LRRTM2: variants seen among roughly 807,000 people sequenced by gnomAD.
LRRTM2 encodes leucine-rich repeat transmembrane neuronal protein 2.
A neutral mutation model predicts 40.7 loss-of-function variants in LRRTM2; 14 were observed. That is an observed-to-expected ratio of 0.34 (90% CI 0.23 to 0.54). The LOEUF (loss-of-function observed/expected upper bound fraction) is 0.54. Among genes scored for constraint, LRRTM2 ranks in the 20% least tolerant of loss-of-function variants. The probability of loss-of-function intolerance (pLI) is 0.92; values close to 1 mark genes in which losing one functional copy is unlikely to be tolerated. For synonymous variants in LRRTM2, 223 were observed against 237.6 expected (o/e 0.94, Z 0.57); for missense variants, 468 against 624.4 (o/e 0.75, Z 2.67).
Position 138,874,641 on chromosome 5 carries a change from C to A in LRRTM2, c.5-85G>T. On this transcript the variant is annotated intron_variant, in intron 1 of 1. Coordinates refer to ENST00000274711, the MANE Select transcript of LRRTM2 (RefSeq NM_015564.3). The surrounding 1 kb of genome is among the most constrained non-coding windows in gnomAD (Gnocchi z 4.1). ...GCTATTTAAAAAAAACAACCACCAC[C>A]AACATTATAGCAAAAGATTTCACTG... 1.2e-6 allele frequency: 1 copy of A among 861,040 alleles called. No homozygotes were observed. Among genetic ancestry groups the A allele is most frequent in the Non-Finnish European group, 1.7e-6 (1 of 571,448 alleles). The allele number at this position is 861,040 out of a possible 1,614,324, so 53.3% of individuals were successfully genotyped here.
Position 138,874,445 on chromosome 5 carries a change from C to T in LRRTM2, c.116G>A (p.Arg39His), listed in dbSNP as rs761080588. The change falls in exon 2 of 2, where the codon CGC becomes CAC. Residue 39 changes from arginine to histidine, a missense_variant. Transcript: ENST00000274711. This position sits in a 1 kb window ranked among gnomAD's most constrained non-coding sequence, Gnocchi z 4.1. ...GCAGTAGAAGAGCAGCTTCTCGCAG[C>T]GGCATTTGGGTGGACACGCCATACC... ...ALGMACPPKCRCEKLLFYCDS... is the reference protein window; with the variant it reads ...ALGMACPPKCHCEKLLFYCDS... 18 of 1,613,624 alleles carry T rather than the reference C, an allele frequency of 1.1e-5. No homozygotes were observed. Among genetic ancestry groups the T allele is most frequent in the South Asian group, 7.7e-5 (7 of 91,038 alleles).
rs1044219700 is a variant in LRRTM2, at chr5:138,871,726, G to A, written c.*1284C>T. Reference sequence around the variant, plus strand: ...CACTGTGTGGCTGCATAGGCATGTCGAGTTGTTCTGCCATGAGATTCATCT... The same window carrying A: ...CACTGTGTGGCTGCATAGGCATGTCAAGTTGTTCTGCCATGAGATTCATCT... On this transcript the variant is annotated 3_prime_UTR_variant, in exon 2 of 2. Coordinates refer to ENST00000274711, the MANE Select transcript of LRRTM2 (RefSeq NM_015564.3). The A allele has an allele frequency of 6.6e-6, 1 of 152,190 alleles. No individual in the cohort carries two copies. The highest frequency in any genetic ancestry group is 2.4e-5 in the African/African-American group (1 of 41,452). 9.4% of individuals were successfully genotyped at this position (152,190 alleles called of 1,614,324 possible). A position where few individuals can be genotyped will look rare whatever the true frequency, so the allele number is the denominator to read the frequency against.
In LRRTM2 at chr5:138,869,374, CTTTTTTT is replaced by C. The variant is rs34328033; in HGVS notation, c.*3629_*3635del. 2 of 142,024 alleles carry C rather than the reference CTTTTTTT, an allele frequency of 1.4e-5. No homozygotes were observed. Among genetic ancestry groups the C allele is most frequent in the African/African-American group, 5.2e-5 (2 of 38,820 alleles). The allele number at this position is 142,024 out of a possible 1,614,324, so 8.8% of individuals were successfully genotyped here. A position where few individuals can be genotyped will look rare whatever the true frequency, so the allele number is the denominator to read the frequency against. On this transcript the variant is annotated 3_prime_UTR_variant, in exon 2 of 2. Transcript: ENST00000274711. Reference sequence around the variant, plus strand: ...ATAGATGGCCTTACTGTCTCTCTCTCTTTTTTTTTTTTTTTCCTGGCTCAAGGGCTTT... The same window carrying C: ...ATAGATGGCCTTACTGTCTCTCTCTCTTTTTTTTCCTGGCTCAAGGGCTTT...
At position 138,873,406 on chromosome 5, in the gene LRRTM2, T is replaced by C. The variant is rs1340842388; in HGVS notation, c.1155A>G (p.Ile385Met). 1.9e-6 allele frequency: 3 copies of C among 1,613,942 alleles called. No homozygotes were observed. The highest frequency in any genetic ancestry group is 2.5e-6 in the Non-Finnish European group (3 of 1,179,906). ...CTCCCACATGGTAACTTGATGAGCT[T>C]ATTCTTTTTGTATATTCAGTGGTTG... ...RDPTTEYTKR[I>M]SSSSYHVGDK... Residue 385 changes from isoleucine (I) to methionine (M), a missense_variant, in exon 2 of 2, where the codon ATA (isoleucine) becomes ATG (methionine). Coordinates refer to ENST00000274711, the MANE Select transcript of LRRTM2 (RefSeq NM_015564.3). The surrounding 1 kb of genome is among the most constrained non-coding windows in gnomAD (Gnocchi z 6.1).
chr5:138,873,158 C>G lies in LRRTM2; in HGVS notation c.1403G>C (p.Arg468Pro). ...CSMVQNHRQL[R>P]SQTRLHMSNM... Reference sequence around the variant, plus strand: ...TGACATATGGAGTCGTGTTTGGGATCGGAGCTGCCTGTGGTTCTGAACCAT... The same window carrying G: ...TGACATATGGAGTCGTGTTTGGGATGGGAGCTGCCTGTGGTTCTGAACCAT... The change falls in exon 2 of 2, where the codon CGA becomes CCA. Residue 468 changes from arginine to proline, a missense_variant. Coordinates refer to ENST00000274711, the MANE Select transcript of LRRTM2 (RefSeq NM_015564.3). This position sits in a 1 kb window ranked among gnomAD's most constrained non-coding sequence, Gnocchi z 6.1. 6.2e-7 allele frequency: 1 copy of G among 1,612,132 alleles called. No homozygotes were observed. Among genetic ancestry groups the G allele is most frequent in the Non-Finnish European group, 8.5e-7 (1 of 1,178,876 alleles).
chr5:138,873,525 G>T lies in LRRTM2; in HGVS notation c.1036C>A (p.Gln346Lys). The T allele has an allele frequency of 6.2e-7, 1 of 1,613,956 alleles. No homozygotes were observed. Among genetic ancestry groups the T allele is most frequent in the Non-Finnish European group, 8.5e-7 (1 of 1,179,864 alleles). The change falls in exon 2 of 2, where the codon CAA (glutamine) becomes AAA (lysine). Residue 346 changes from glutamine (Q) to lysine (K), a missense_variant. By Grantham distance (53) the Gln-to-Lys change is moderately conservative. Coordinates refer to ENST00000274711, the MANE Select transcript of LRRTM2 (RefSeq NM_015564.3). This position sits in a 1 kb window ranked among gnomAD's most constrained non-coding sequence, Gnocchi z 6.1. ...ACTGCATCTAGAATATCCTCTCCTT[G>T]GGTGTGGTCAGGACTGTGGCATAGG... The part of the protein sequence containing the change: ...SILCHSPDHT[Q>K]GEDILDAVHG...
rs770258740 is a variant in LRRTM2, at chr5:138,873,295, C to T, written c.1266G>A (p.Arg422=). The T allele has an allele frequency of 1.1e-5, 18 of 1,614,032 alleles. No individual in the cohort carries two copies. The East Asian group carries it at 4.0e-4, about 36-fold the overall frequency. Residue 422 remains arginine, a synonymous_variant, in exon 2 of 2, where the codon CGG becomes CGA. Coordinates refer to ENST00000274711, the MANE Select transcript of LRRTM2 (RefSeq NM_015564.3). This position sits in a 1 kb window ranked among gnomAD's most constrained non-coding sequence, Gnocchi z 6.1. ...ATAAAGCCATTGTTCCCGTAATTAC[C>T]CGCTGAGTGAAGATGGCATTGTCTG... is the stretch of plus-strand genomic sequence containing the variant. ...PEPDNAIFTQ[R]VITGTMALLF... is the part of the protein sequence containing the mutation.
At position 138,875,005 on chromosome 5, in the gene LRRTM2, C is replaced by A; in HGVS notation, c.-94G>T. On this transcript the variant is annotated 5_prime_UTR_variant, in exon 1 of 2. Coordinates refer to ENST00000274711, the MANE Select transcript of LRRTM2 (RefSeq NM_015564.3). ...GCTCTAACATGTAGGAGCCTTTGAC[C>A]AGTTTCCTGTTTTCTGTGTCCCAGG... The A allele has an allele frequency of 7.8e-7, 1 of 1,287,046 alleles. No homozygotes were observed. The highest frequency in any genetic ancestry group is 1.2e-5 in the South Asian group (1 of 80,638). The allele number at this position is 1,287,046 out of a possible 1,614,324, so 79.7% of individuals were successfully genotyped here.
In LRRTM2 at chr5:138,874,390, G is replaced by A. The variant is rs951766713; in HGVS notation, c.171C>T (p.Asn57=). 33 of 1,613,980 alleles carry A rather than the reference G, an allele frequency of 2.0e-5. 2 individuals carry two copies. Among genetic ancestry groups the A allele is most frequent in the South Asian group, 1.9e-4 (17 of 91,076 alleles). ...GGCCCAGAGAGCCCTTGTCTGTGGCGTTTGGCACTGAGTGGAAGCCCTGAG... is the reference window on the plus strand; with the variant it reads ...GGCCCAGAGAGCCCTTGTCTGTGGCATTTGGCACTGAGTGGAAGCCCTGAG... The part of the protein sequence containing the change: ...CDSQGFHSVP[N]ATDKGSLGLS... The change falls in exon 2 of 2, where the codon AAC becomes AAT. Residue 57 remains asparagine (N), a synonymous_variant. Coordinates refer to ENST00000274711, the MANE Select transcript of LRRTM2 (RefSeq NM_015564.3). The surrounding 1 kb of genome is among the most constrained non-coding windows in gnomAD (Gnocchi z 4.1).
rs1179692746 is a variant in LRRTM2 at position 138,872,297 on chromosome 5, T to C, written c.*713A>G. 2 of 152,694 alleles carry C rather than the reference T, an allele frequency of 1.3e-5. No individual in the cohort carries two copies. The highest frequency in any genetic ancestry group is 6.5e-5 in the Admixed American group (1 of 15,294). The allele number at this position is 152,694 out of a possible 1,614,324, so 9.5% of individuals were successfully genotyped here. ...AGAAATGTATAAGAAGTTGGTGTAA[T>C]TATTTAGGATTGGTTTCATTGTAAT... On this transcript the variant is annotated 3_prime_UTR_variant, in exon 2 of 2. Coordinates refer to ENST00000274711, the MANE Select transcript of LRRTM2 (RefSeq NM_015564.3).
chr5:138,872,985 T>A lies in LRRTM2; in HGVS notation c.*25A>T. 1 of 1,507,936 alleles carries A rather than the reference T, an allele frequency of 6.6e-7. No individual in the cohort carries two copies. Among genetic ancestry groups the A allele is most frequent in the Non-Finnish European group, 9.1e-7 (1 of 1,104,682 alleles). The allele number at this position is 1,507,936 out of a possible 1,614,324, so 93.4% of individuals were successfully genotyped here. A position where few individuals can be genotyped will look rare whatever the true frequency, so the allele number is the denominator to read the frequency against. On this transcript the variant is annotated 3_prime_UTR_variant, in exon 2 of 2. Transcript: ENST00000274711. The stretch of plus-strand genomic sequence containing the variant: ...TATGTAAAATAGGTTACTTATCTGA[T>A]GTGATTTTTGATGATGGGTAGATAT...
Position 138,873,634 on chromosome 5 carries a change from A to G in LRRTM2, c.927T>C (p.Ser309=). The change falls in exon 2 of 2, where the codon TCT becomes TCC. Residue 309 remains serine, a synonymous_variant. Transcript: ENST00000274711. This position sits in a 1 kb window ranked among gnomAD's most constrained non-coding sequence, Gnocchi z 6.1. ...SLRSLTTVGL[S]GNLWECSARI... ...GGGCGCTGCATTCCCACAGATTGCC[A>G]GAGAGACCAACGGTTGTGAGGGATC... 7.4e-6 allele frequency: 12 copies of G among 1,614,066 alleles called. No individual in the cohort carries two copies. Among genetic ancestry groups the G allele is most frequent in the Non-Finnish European group, 1.0e-5 (12 of 1,179,900 alleles).
chr5:138,871,182 T>C lies in LRRTM2; in HGVS notation c.*1828A>G, dbSNP rs952266326. 2.0e-5 allele frequency: 3 copies of C among 152,214 alleles called. No individual in the cohort carries two copies. The highest frequency in any genetic ancestry group is 7.2e-5 in the African/African-American group (3 of 41,464). 9.4% of individuals were successfully genotyped at this position (152,214 alleles called of 1,614,324 possible). ...GATCCTGGGAAGAAAAAATATGCCC[T>C]GAATGAAGGATATCATGTTGATGTT... On this transcript the variant is annotated 3_prime_UTR_variant, in exon 2 of 2. Transcript: ENST00000274711.
At position 138,874,254 on chromosome 5, in the gene LRRTM2, C is replaced by T; in HGVS notation, c.307G>A (p.Asp103Asn). The T allele has an allele frequency of 2.5e-6, 4 of 1,614,022 alleles. No individual in the cohort carries two copies. Among genetic ancestry groups the T allele is most frequent in the Non-Finnish European group, 3.4e-6 (4 of 1,179,888 alleles). The change falls in exon 2 of 2, where the codon GAT becomes AAT. Residue 103 changes from aspartate (D) to asparagine (N), a missense_variant. By Grantham distance (23) the Asp-to-Asn change is conservative (BLOSUM62 1). Transcript: ENST00000274711. This position sits in a 1 kb window ranked among gnomAD's most constrained non-coding sequence, Gnocchi z 4.1. ...AGTTTATATAGTCCTTGAAAAGCAT[C>T]TTCTTTTACTGTTGAAATTTGATTG... ...DHNQISTVKE[D>N]AFQGLYKLKE...
At position 138,873,547 on chromosome 5, in the gene LRRTM2, T is replaced by C. The variant is rs556094863; in HGVS notation, c.1014A>G (p.Leu338=). The C allele has an allele frequency of 1.2e-6, 2 of 1,613,952 alleles. No individual in the cohort carries two copies. The highest frequency in any genetic ancestry group is 2.7e-5 in the African/African-American group (2 of 75,050). The change falls in exon 2 of 2, where the codon CTA becomes CTG. Residue 338 remains leucine (L), a synonymous_variant. Transcript: ENST00000274711. The surrounding 1 kb of genome is among the most constrained non-coding windows in gnomAD (Gnocchi z 6.1). ...CTTGGGTGTGGTCAGGACTGTGGCA[T>C]AGGATGGAGTGTTCCCACCGACCTT... ...SFQGRWEHSI[L]CHSPDHTQGE...
rs769701696 is a variant in LRRTM2 at position 138,873,761 on chromosome 5, G to C, written c.800C>G (p.Ala267Gly). The C allele has an allele frequency of 4.3e-6, 7 of 1,613,996 alleles. No homozygotes were observed. The highest frequency in any genetic ancestry group is 5.1e-6 in the Non-Finnish European group (6 of 1,179,888). ...KLDLTGNEIK[A>G]IDLTVFETMP... is the part of the protein sequence containing the mutation. ...CGTTTCAAACACTGTCAAGTCGATG[G>C]CTTTGATTTCATTTCCAGTCAGGTC... The change falls in exon 2 of 2, where the codon GCC becomes GGC. Residue 267 changes from alanine to glycine, a missense_variant. By Grantham distance (60) the Ala-to-Gly change is moderately conservative. Coordinates refer to ENST00000274711, the MANE Select transcript of LRRTM2 (RefSeq NM_015564.3). This position sits in a 1 kb window ranked among gnomAD's most constrained non-coding sequence, Gnocchi z 6.1.
At position 138,870,637 on chromosome 5, in the gene LRRTM2, T is replaced by C. The variant is rs1359544544; in HGVS notation, c.*2373A>G. The C allele has an allele frequency of 2.6e-5, 4 of 152,102 alleles. No homozygotes were observed. The East Asian group carries it at 7.7e-4, about 29-fold the overall frequency. 9.4% of individuals were successfully genotyped at this position (152,102 alleles called of 1,614,324 possible). A position where few individuals can be genotyped will look rare whatever the true frequency, so the allele number is the denominator to read the frequency against. On this transcript the variant is annotated 3_prime_UTR_variant, in exon 2 of 2. Coordinates refer to ENST00000274711, the MANE Select transcript of LRRTM2 (RefSeq NM_015564.3). Reference sequence around the variant, plus strand: ...CCCATCCCACAGTTTAAATCTTAATTTTGTTTGTGGTTTGAAATGATGGAA... The same window carrying C: ...CCCATCCCACAGTTTAAATCTTAATCTTGTTTGTGGTTTGAAATGATGGAA...
rs1554093199 is a variant in LRRTM2, at chr5:138,872,067, T to TGTGTGC, written c.*942_*943insGCACAC. On this transcript the variant is annotated 3_prime_UTR_variant, in exon 2 of 2. Coordinates refer to ENST00000274711, the MANE Select transcript of LRRTM2 (RefSeq NM_015564.3). Reference sequence around the variant, plus strand: ...GTGTGTGTGTGTGTGTGTGTGTGTGTGCGCTTTTAAATTGGAGGGAGCATG... The same window carrying TGTGTGC: ...GTGTGTGTGTGTGTGTGTGTGTGTGTGTGTGCGCGCTTTTAAATTGGAGGGAGCATG... 53 of 71,492 alleles carry TGTGTGC rather than the reference T, an allele frequency of 7.4e-4. No individual in the cohort carries two copies. The highest frequency in any genetic ancestry group is 1.3e-3 in the African/African-American group (20 of 15,352). 4.4% of individuals were successfully genotyped at this position (71,492 alleles called of 1,614,324 possible). A position where few individuals can be genotyped will look rare whatever the true frequency, so the allele number is the denominator to read the frequency against.
Position 138,870,908 on chromosome 5 carries a change from G to A in LRRTM2, c.*2102C>T, listed in dbSNP as rs990430030. On this transcript the variant is annotated 3_prime_UTR_variant, in exon 2 of 2. Transcript: ENST00000274711. ...CTGTCTCTGCCCAGACAAGCCCAGG[G>A]TCTGGTTTAACAAGAGACAAAATAC... The A allele has an allele frequency of 6.6e-6, 1 of 152,114 alleles. No individual in the cohort carries two copies. Among genetic ancestry groups the A allele is most frequent in the Non-Finnish European group, 1.5e-5 (1 of 68,026 alleles). 9.4% of individuals were successfully genotyped at this position (152,114 alleles called of 1,614,324 possible).
Sources: allele counts gnomAD v4.1 joint callset, GRCh38; gene constraint gnomAD v4.1.1; non-coding constraint Gnocchi (gnomAD v3.1); transcripts MANE v1.5; gene names NCBI Gene and HGNC (gene_info 2026-07-23, HGNC 2026-07-21).